CAPS2: variants seen among roughly 807,000 people sequenced by gnomAD.
CAPS2 encodes the protein calcyphosine 2.
In CAPS2, 98 loss-of-function variants were observed where a neutral mutation model predicts 86.5. The ratio of observed to expected loss-of-function variants is 1.13; its 90% CI spans 0.96 to 1.34. The LOEUF is 1.34. Among genes scored for constraint, CAPS2 ranks in the 40% most tolerant of loss-of-function variants. CAPS2 has a pLI of 0.00. For synonymous variants in CAPS2, 210 were observed against 225.1 expected (o/e 0.93, Z 0.60); for missense variants, 729 against 686.8 (o/e 1.06, Z -0.69).
intron 1 of CAPS2, among the ~76,000 whole-genome samples, chr12:75,349,640 A>C (rs1328071110): frequency 6.6e-6 from 1 of 152,200 alleles, no homozygotes; most frequent in African/African-American, 2.4e-5. Flanking sequence ...TTAAAAACAG[A>C]GGACTACAAT....
At chr12:75,282,148 T>G (rs1050590626) in intron 16 of CAPS2, 103 bp downstream of exon 16, 11 of 706,206 alleles carry the variant, frequency 1.6e-5, no homozygotes, top group Non-Finnish European at 2.7e-5. Context: ...ATAGTTTATT[T>G]CCTCCCTAAT....
chr12:75,342,016 T>G (rs1248232513), intron 1 of CAPS2, among the ~76,000 whole-genome samples: 1 of 152,158 alleles, frequency 6.6e-6, no homozygotes, highest in East Asian at 1.9e-4. Context: ...GTGCTGGGAT[T>G]ACAGGCATGA....
chr12:75,321,617 A>AAT lies in CAPS2; in HGVS notation c.292-42_292-41insAT, dbSNP rs1474771719. ...AAAAAGCATGCTATCAGAAAAAAAA[A>AAT]GTATTAATTTTCCTTATTGGCATTA... On this transcript the variant is annotated intron_variant, in intron 4 of 16. Coordinates refer to ENST00000393284, the Ensembl canonical transcript of CAPS2. 5.4e-5 allele frequency: 76 copies of AAT among 1,419,508 alleles called. No homozygotes were observed. In the East Asian group the frequency reaches 1.8e-3, roughly 34 times the overall value. 87.9% of individuals were successfully genotyped at this position (1,419,508 alleles called of 1,614,324 possible).
chr12:75,297,967 C>G (rs1031792252), intron 11 of CAPS2, among the ~76,000 whole-genome samples: 1 of 152,156 alleles, frequency 6.6e-6, no homozygotes, highest in Admixed American at 6.5e-5. Flanking sequence ...CATTGCCCCT[C>G]CTATCTGGCC....
At chr12:75,363,044 G>T in intron 1 of CAPS2, 1 of 860,738 alleles carries the variant, frequency 1.2e-6, no homozygotes, top group Non-Finnish European at 1.8e-6. Context: ...ATACATGCAT[G>T]AACAAAATTG....
chr12:75,370,678 C>G (rs2044303951), intron 1 of CAPS2: 1 of 152,268 alleles, frequency 6.6e-6, no homozygotes, highest in South Asian at 2.1e-4. Flanking sequence ...AATTTTCAAC[C>G]TTTAAAAAGT....
intron 1 of CAPS2, among the ~76,000 whole-genome samples, chr12:75,348,022 C>A (rs979551236): frequency 5.3e-5 from 8 of 151,884 alleles, no homozygotes; most frequent in African/African-American, 1.4e-4. Flanking sequence ...TACTGAAACA[C>A]AAAAAGGCTG....
chr12:75,334,543 G>T, upstream of CAPS2: 2 of 1,401,602 alleles, frequency 1.4e-6, no homozygotes, highest in Non-Finnish European at 1.8e-6. Flanking sequence ...TTGTGGAAGG[G>T]GAACCCTGCT....
chr12:75,384,885 T>C lies in CAPS2; in HGVS notation c.-395+5953A>G, dbSNP rs569353402. On this transcript the variant is annotated intron_variant, in intron 1 of 5. Coordinates refer to the CAPS2 transcript ENST00000551829. Reference sequence around the variant, plus strand: ...AATTCATGTTAAAATTTAATTTCCATTGAGGCAGTATTGAAAGGTGGGGCT... The same window carrying C: ...AATTCATGTTAAAATTTAATTTCCACTGAGGCAGTATTGAAAGGTGGGGCT... 2.6e-5 allele frequency among the ~76,000 whole-genome samples: 4 copies of C among 152,338 alleles called. No individual in the cohort carries two copies. The South Asian group carries it at 6.2e-4, about 24-fold the overall frequency.
chr12:75,331,650 G>A (rs1472104533), upstream of CAPS2, among the ~76,000 whole-genome samples: 1 of 150,158 alleles, frequency 6.7e-6, no homozygotes, highest in Non-Finnish European at 1.5e-5. Flanking sequence ...TGCAAGCTCC[G>A]CCTCCCGGGT....
intron 7 of CAPS2, among the ~76,000 whole-genome samples, chr12:75,307,993 A>G (rs2038707223): frequency 1.3e-5 from 2 of 152,208 alleles, no homozygotes; most frequent in African/African-American, 4.8e-5. Context: ...CAACAGGACC[A>G]GAGGCTACTC....
At chr12:75,294,513 T>C (rs373704310) in intron 11 of CAPS2, among the ~76,000 whole-genome samples, 117 of 152,348 alleles carry the variant, frequency 7.7e-4, no homozygotes, top group Middle Eastern at 3.4e-3. Flanking sequence ...TATCTCCCAG[T>C]TTCTGTGAGA....
chr12:75,364,085 G>C (rs918226477), intron 1 of CAPS2, among the ~76,000 whole-genome samples: 7 of 152,186 alleles, frequency 4.6e-5, no homozygotes, highest in Admixed American at 2.6e-4. Context: ...CAAGATATCA[G>C]GCTTCTGAGA....
chr12:75,363,232 A>T, intron 1 of CAPS2: 1 of 897,964 alleles, frequency 1.1e-6, no homozygotes, highest in Non-Finnish European at 1.6e-6. Flanking sequence ...TAGAGAGTAA[A>T]GTTTCCATAT....
chr12:75,373,445 C>G (rs1218981112), intron 1 of CAPS2: 1 of 152,248 alleles, frequency 6.6e-6, no homozygotes, highest in Admixed American at 6.5e-5. Context: ...ATTTTCCAAT[C>G]ATGCTTCTTC....
At chr12:75,304,027 A>G (rs2038142862) in intron 8 of CAPS2, among the ~76,000 whole-genome samples, 2 of 152,204 alleles carry the variant, frequency 1.3e-5, no homozygotes, top group Admixed American at 1.3e-4. Flanking sequence ...CCTTGATTTT[A>G]GGCATCTGAA....
chr12:75,383,380 T>C (rs535663105), intron 1 of CAPS2, among the ~76,000 whole-genome samples: 1 of 152,130 alleles, frequency 6.6e-6, no homozygotes, highest in Admixed American at 6.5e-5. Context: ...GAAACCAAGA[T>C]AGCTATATTA....
upstream of CAPS2, chr12:75,330,191 G>T (rs1565928574): frequency 2.0e-5 from 5 of 247,834 alleles, no homozygotes; most frequent in Admixed American, 2.8e-4. Context: ...TGCCTCCTCA[G>T]TTCCGCTGCC....
intron 15 of CAPS2, 32 bp downstream of exon 15, chr12:75,284,929 T>C (rs560359375): frequency 1.3e-6 from 2 of 1,556,168 alleles, no homozygotes; most frequent in African/African-American, 1.4e-5. Flanking sequence ...CTATTAAAAA[T>C]AACAATTTGA....
Sources: gnomAD v4.1 joint callset for allele counts (sites outside exome capture counted in the v4.1 genomes callset) on GRCh38, gnomAD v4.1.1 for gene constraint, MANE v1.5 for transcripts, NCBI Gene and HGNC (gene_info 2026-07-23, HGNC 2026-07-21) for gene names.